Variants in C10orf90 observed in about 807,000 individuals in gnomAD.
C10orf90 encodes the protein (E2-independent) E3 ubiquitin-conjugating enzyme FATS.
In C10orf90, 56 loss-of-function variants were observed where a neutral mutation model predicts 62.5. That is an observed-to-expected ratio of 0.90 (90% CI 0.72 to 1.12). The LOEUF (loss-of-function observed/expected upper bound fraction) is 1.12. C10orf90 is among the 50% of genes most tolerant of loss of function. The pLI is 0.00. For missense variants in C10orf90, 970 were observed against 880.4 expected (o/e 1.10, Z -1.29); for synonymous variants, 386 against 340.4 (o/e 1.13, Z -1.47).
In C10orf90 at chr10:126,504,042, C is replaced by G. The variant is rs1176010651; in HGVS notation, c.1449G>C (p.Gly483=). The G allele has an allele frequency of 6.2e-7, 1 of 1,614,106 alleles. No homozygotes were observed. Among genetic ancestry groups the G allele is most frequent in the East Asian group, 2.2e-5 (1 of 44,872 alleles). ...GACAATGAGTTGTATGGTCCTTTTC[C>G]CCTTTTCTTACAGTGACTTGGTTAG... The part of the protein sequence containing the change: ...VGANQVTVRK[G]EKDHTTHCHA... Residue 483 remains glycine (G), a synonymous_variant, in exon 4 of 10, where the codon GGG becomes GGC. Transcript: ENST00000488181. The surrounding 1 kb of genome is among the most constrained non-coding windows in gnomAD (Gnocchi z 4.1).
At chr10:126,500,086 C>G (rs376356201) in intron 4 of C10orf90, among the ~76,000 whole-genome samples, 1 of 152,188 alleles carries the variant, frequency 6.6e-6, no homozygotes, top group African/African-American at 2.4e-5. Context: ...ACATTTTAAT[C>G]GCATAAAATG....
At chr10:126,475,364 G>A (rs1397362086) in intron 4 of C10orf90, among the ~76,000 whole-genome samples, 3 of 152,086 alleles carry the variant, frequency 2.0e-5, no homozygotes, top group Non-Finnish European at 4.4e-5. Context: ...CCCCAGGATG[G>A]TCCACACACA....
chr10:126,478,273 G>A (rs111590178), intron 4 of C10orf90, among the ~76,000 whole-genome samples: 7 of 152,254 alleles, frequency 4.6e-5, no homozygotes, highest in African/African-American at 1.7e-4. Context: ...CCTTTAAGTG[G>A]GTGACGATGC....
At position 126,669,753 on chromosome 10, in the gene C10orf90, T is replaced by C. The variant is rs574448344; in HGVS notation, c.240+488A>G. ...TCTCTGCTTGAAAATTAGAGCTTGC[T>C]CTCAAAAATAAAAGATCATTCTTAC... On this transcript the variant is annotated intron_variant, in intron 1 of 9. Transcript: ENST00000488181. Among the ~76,000 whole-genome samples, 4 of 151,946 alleles carry C rather than the reference T, an allele frequency of 2.6e-5. No homozygotes were observed. In the South Asian group the frequency reaches 8.3e-4, roughly 32 times the overall value.
chr10:126,427,122 A>T (rs1857311644), intron 8 of C10orf90, among the ~76,000 whole-genome samples: 1 of 152,212 alleles, frequency 6.6e-6, no homozygotes, highest in African/African-American at 2.4e-5. Flanking sequence ...GCATCAAGCT[A>T]CTTGTGAGAT....
intron 5 of C10orf90, 130 bp downstream of exon 5, chr10:126,464,566 C>G: frequency 9.4e-7 from 1 of 1,062,648 alleles, no homozygotes; most frequent in Non-Finnish European, 1.4e-6. Flanking sequence ...CCTCTCTGCT[C>G]TCCCAGTTGG....
intron 1 of C10orf90, among the ~76,000 whole-genome samples, chr10:126,660,051 A>G (rs1273750704): frequency 2.0e-5 from 3 of 152,236 alleles, no homozygotes; most frequent in Non-Finnish European, 4.4e-5. Context: ...TTTCAATCCC[A>G]AGGGCTCCTT....
At chr10:126,621,131 C>A (rs1165951431) in intron 2 of C10orf90, among the ~76,000 whole-genome samples, 1 of 152,162 alleles carries the variant, frequency 6.6e-6, no homozygotes, top group African/African-American at 2.4e-5. Context: ...CTATGAACAT[C>A]TTCAAGTATA....
intron 2 of C10orf90, among the ~76,000 whole-genome samples, chr10:126,558,306 C>T (rs1864823936): frequency 1.3e-5 from 2 of 152,142 alleles, no homozygotes; most frequent in Non-Finnish European, 2.9e-5. Context: ...AATCCCCTCC[C>T]CTCCACTTTA....
chr10:126,468,188 C>T lies in C10orf90; in HGVS notation c.1535-3202G>A, dbSNP rs185013603. 1.4e-4 allele frequency among the ~76,000 whole-genome samples: 21 copies of T among 152,054 alleles called. No homozygotes were observed. In the East Asian group the frequency reaches 2.9e-3, roughly 21 times the overall value. On this transcript the variant is annotated intron_variant, in intron 4 of 9. Coordinates refer to ENST00000488181, the MANE Select transcript of C10orf90 (RefSeq NM_001350921.2). Reference sequence around the variant, plus strand: ...GGTTCAAGCAATTCTCTTGCCTCAGCCTCCTGAGTAGCTGGGATTACAGAT... The same window carrying T: ...GGTTCAAGCAATTCTCTTGCCTCAGTCTCCTGAGTAGCTGGGATTACAGAT...
At chr10:126,580,704 C>G (rs1017297970) in intron 2 of C10orf90, among the ~76,000 whole-genome samples, 8 of 151,672 alleles carry the variant, frequency 5.3e-5, no homozygotes, top group African/African-American at 1.9e-4. Flanking sequence ...TCCTTCTCCA[C>G]AGCACAAACA....
intron 1 of C10orf90, among the ~76,000 whole-genome samples, chr10:126,648,419 T>C (rs1846213721): frequency 6.6e-6 from 1 of 152,220 alleles, no homozygotes; most frequent in Non-Finnish European, 1.5e-5. Flanking sequence ...CTGTTGTTTA[T>C]AAATTACTAA....
rs113011142 is a variant in C10orf90 at position 126,548,664 on chromosome 10, C to T, written c.314-34725G>A. On this transcript the variant is annotated intron_variant, in intron 2 of 9. Coordinates refer to ENST00000488181, the MANE Select transcript of C10orf90 (RefSeq NM_001350921.2). ...ACAGGCATGAGCCACTGCGCCCGGC[C>T]GCAAGATCCCATCTTTACCAAAAAC... Among the ~76,000 whole-genome samples, 291 of 152,142 alleles carry T rather than the reference C, an allele frequency of 1.9e-3. 1 individual carries two copies. The highest frequency in any genetic ancestry group is 3.0e-3 in the Non-Finnish European group (206 of 68,006).
intron 2 of C10orf90, among the ~76,000 whole-genome samples, chr10:126,532,915 G>GTATTAT (rs200872045): frequency 7.1e-6 from 1 of 140,788 alleles, no homozygotes; most frequent in South Asian, 2.2e-4. Context: ...GCTTGCTACT[G>GTATTAT]TATTATTATT....
intron 2 of C10orf90, among the ~76,000 whole-genome samples, chr10:126,555,342 G>A (rs1461309144): frequency 6.6e-6 from 1 of 152,080 alleles, no homozygotes; most frequent in Non-Finnish European, 1.5e-5. Flanking sequence ...ACTGGAAGAG[G>A]TTGATATATT....
chr10:126,524,768 C>T (rs1863883884), intron 2 of C10orf90: 1 of 985,390 alleles, frequency 1.0e-6, no homozygotes, highest in Admixed American at 6.1e-5. Context: ...CTAGCTCTGC[C>T]ATGAGGGCTT....
chr10:126,625,090 A>G (rs1845716874), intron 2 of C10orf90, among the ~76,000 whole-genome samples: 1 of 152,180 alleles, frequency 6.6e-6, no homozygotes, highest in Non-Finnish European at 1.5e-5. Context: ...AGAGAGCCTG[A>G]TGGGACCCCA....
chr10:126,538,039 A>ATT (rs1375320886), intron 2 of C10orf90, among the ~76,000 whole-genome samples: 1 of 152,232 alleles, frequency 6.6e-6, no homozygotes, highest in Non-Finnish European at 1.5e-5. Flanking sequence ...CACACTGCTA[A>ATT]TAAAGATATA....
intron 2 of C10orf90, among the ~76,000 whole-genome samples, chr10:126,517,808 G>A (rs563806189): frequency 4.6e-4 from 70 of 151,682 alleles, no homozygotes; most frequent in African/African-American, 1.7e-3. Context: ...TACTCAGGAG[G>A]CTGAGGCAGG....
Sources: allele counts gnomAD v4.1 joint callset (sites outside exome capture counted in the v4.1 genomes callset), GRCh38; gene constraint gnomAD v4.1.1; non-coding constraint Gnocchi (gnomAD v3.1); transcripts MANE v1.5; gene names NCBI Gene and HGNC (gene_info 2026-07-23, HGNC 2026-07-21).